ZCCHC10: variants seen among roughly 807,000 people sequenced by gnomAD.
The protein encoded by ZCCHC10 is zinc finger CCHC domain-containing protein 10.
In ZCCHC10, 16 loss-of-function variants were observed where a neutral mutation model predicts 19.5. The ratio of observed to expected loss-of-function variants is 0.82; its 90% confidence interval spans 0.56 to 1.25. The LOEUF is 1.25. Ranked by LOEUF, ZCCHC10 falls within the 50% of genes most tolerant of loss-of-function variation. The probability of loss-of-function intolerance (pLI) is 0.00; values close to 1 mark genes in which losing one functional copy is unlikely to be tolerated. For synonymous variants in ZCCHC10, 67 were observed against 72.5 expected, an observed-to-expected ratio of 0.92 and a Z score of 0.38; for missense variants, 197 against 201.0, an observed-to-expected ratio of 0.98 and a Z score of 0.12.
intron 2 of ZCCHC10, among the ~76,000 whole-genome samples, chr5:133,010,998 G>A (rs1019623200): frequency 1.3e-5 from 2 of 149,434 alleles, no homozygotes; most frequent in Non-Finnish European, 3.0e-5. Context: ...CACTATGTTG[G>A]TCAGGCTGGT....
chr5:133,010,493 T>G (rs1314799584), intron 2 of ZCCHC10, among the ~76,000 whole-genome samples: 1 of 152,136 alleles, frequency 6.6e-6, no homozygotes, highest in African/African-American at 2.4e-5. Context: ...AAATGAAGGC[T>G]CATATATAAA....
intron 2 of ZCCHC10, among the ~76,000 whole-genome samples, chr5:133,022,321 T>C (rs1254432078): frequency 1.3e-5 from 2 of 152,196 alleles, no homozygotes; most frequent in South Asian, 2.1e-4. Flanking sequence ...AAGATGTCAC[T>C]AGGCAACAGA....
At chr5:133,006,042 T>C (rs905869333) in intron 3 of ZCCHC10, among the ~76,000 whole-genome samples, 60 of 139,346 alleles carry the variant, frequency 4.3e-4, no homozygotes, top group African/African-American at 1.6e-3. Context: ...GGGAATGCAG[T>C]GGCACAATCT....
chr5:133,000,240 T>C, intron 3 of ZCCHC10, 67 bp from the exon 4 acceptor site: 1 of 1,554,718 alleles, frequency 6.4e-7, no homozygotes, highest in East Asian at 2.2e-5. Context: ...AGACAAGCCC[T>C]TCTACTATCC....
intron 2 of ZCCHC10, chr5:133,019,056 GT>G (rs1379353373): frequency 4.4e-6 from 2 of 451,136 alleles, no homozygotes; most frequent in Admixed American, 4.8e-5. Flanking sequence ...GTTTTTTATT[GT>G]TATAAATACG....
chr5:133,025,420 CGT>C (rs1189427257), intron 1 of ZCCHC10, among the ~76,000 whole-genome samples: 11 of 137,998 alleles, frequency 8.0e-5, no homozygotes, highest in Middle Eastern at 4.1e-3. Flanking sequence ...AGGGGAACGG[CGT>C]GAACCCGGGG....
intron 2 of ZCCHC10, chr5:133,011,239 G>A (rs537443828): frequency 2.6e-5 from 4 of 151,960 alleles, no homozygotes; most frequent in Admixed American, 6.6e-5. Context: ...CACTGCATAA[G>A]TGAACATTTT....
At chr5:133,000,051 C>T in intron 4 of ZCCHC10, 81 bp downstream of exon 4, 2 of 1,487,330 alleles carry the variant, frequency 1.3e-6, no homozygotes, top group Non-Finnish European at 1.9e-6. Flanking sequence ...TCTGGCATAG[C>T]TATTGTTTTA....
chr5:133,019,664 G>A (rs940116346), intron 2 of ZCCHC10, among the ~76,000 whole-genome samples: 3 of 152,048 alleles, frequency 2.0e-5, no homozygotes, highest in African/African-American at 7.2e-5. Flanking sequence ...AATTTTAAAT[G>A]TGCATACCAG....
intron 2 of ZCCHC10, among the ~76,000 whole-genome samples, chr5:133,010,740 C>T (rs988154320): frequency 6.7e-6 from 1 of 149,536 alleles, no homozygotes; most frequent in South Asian, 2.1e-4. Flanking sequence ...CAAAGTGCTG[C>T]GATTACAGGC....
intron 2 of ZCCHC10, among the ~76,000 whole-genome samples, chr5:133,010,476 G>A (rs1284606086): frequency 1.3e-5 from 2 of 152,118 alleles, no homozygotes; most frequent in South Asian, 2.1e-4. Context: ...TCCATATTTT[G>A]TGGATGAAAT....
intron 2 of ZCCHC10, among the ~76,000 whole-genome samples, chr5:133,021,972 T>G (rs910626383): frequency 6.6e-6 from 1 of 152,024 alleles, no homozygotes; most frequent in Non-Finnish European, 1.5e-5. Flanking sequence ...TTTTTGTATT[T>G]TTAGTAGATA....
chr5:133,005,115 T>C lies in ZCCHC10; in HGVS notation c.269+1644A>G, dbSNP rs368572666. 4.0e-5 allele frequency among the ~76,000 whole-genome samples: 6 copies of C among 149,934 alleles called. No individual in the cohort carries two copies. In the South Asian group the frequency reaches 6.4e-4, roughly 16 times the overall value. ...GAGATCGAGACCATCCTGGCTAACA[T>C]GGTGAAACCCAGTCTCTACTAAAAA... On this transcript the variant is annotated intron_variant, in intron 3 of 4. Coordinates refer to ENST00000509437, the MANE Select transcript of ZCCHC10 (RefSeq NM_001300816.3).
rs1383745547 is a variant in ZCCHC10, at chr5:132,998,149, A to G, written c.*434T>C. On this transcript the variant is annotated 3_prime_UTR_variant, in exon 5 of 5. Transcript: ENST00000509437. ...TTTATTAATAGTAGGAAAACTCCTA[A>G]GCTTACAGTAACAACATATTAAATC... 2 of 158,364 alleles carry G rather than the reference A, an allele frequency of 1.3e-5. No individual in the cohort carries two copies. The highest frequency in any genetic ancestry group is 2.8e-5 in the Non-Finnish European group (2 of 71,454). 9.8% of individuals were successfully genotyped at this position (158,364 alleles called of 1,614,324 possible).
chr5:133,008,754 G>A (rs1763301270), intron 2 of ZCCHC10, among the ~76,000 whole-genome samples: 1 of 151,952 alleles, frequency 6.6e-6, no homozygotes, highest in African/African-American at 2.4e-5. Context: ...GTTCACGCTT[G>A]TAATCCCAGC....
chr5:133,007,559 A>G (rs950331009), intron 2 of ZCCHC10, among the ~76,000 whole-genome samples: 1 of 144,748 alleles, frequency 6.9e-6, no homozygotes, highest in Non-Finnish European at 1.5e-5. Flanking sequence ...AAAAAAAAAA[A>G]CAAAAAACCA....
At chr5:133,020,416 C>T (rs1338009854) in intron 2 of ZCCHC10, among the ~76,000 whole-genome samples, 1 of 151,858 alleles carries the variant, frequency 6.6e-6, no homozygotes, top group African/African-American at 2.4e-5. Flanking sequence ...TGTACTCCAG[C>T]CTGGGCCACA....
At chr5:133,019,532 G>A (rs1318054769) in intron 2 of ZCCHC10, among the ~76,000 whole-genome samples, 2 of 152,058 alleles carry the variant, frequency 1.3e-5, no homozygotes, top group African/African-American at 4.8e-5. Flanking sequence ...TGGCAAAGTT[G>A]TTTTTTTAAT....
At chr5:133,003,110 C>G in intron 3 of ZCCHC10, 1 of 292,158 alleles carries the variant, frequency 3.4e-6, no homozygotes, top group Non-Finnish European at 6.8e-6. Context: ...GAGGCTTCTG[C>G]TGCAAACATT....
Sources: allele counts gnomAD v4.1 joint callset (sites outside exome capture counted in the v4.1 genomes callset), GRCh38; gene constraint gnomAD v4.1.1; transcripts MANE v1.5; gene names NCBI Gene and HGNC (gene_info 2026-07-23, HGNC 2026-07-21).